Variants in ADCY9 observed in about 807,000 individuals in gnomAD.
ADCY9 encodes the protein adenylate cyclase 9.
Under a neutral mutation model 101.5 loss-of-function variants are expected in ADCY9, and 50 were observed. The ratio of observed to expected loss-of-function variants is 0.49; its 90% CI spans 0.39 to 0.62. The LOEUF (loss-of-function observed/expected upper bound fraction) is 0.62. ADCY9 is among the 20% of genes least tolerant of loss of function. The probability of loss-of-function intolerance (pLI) is 0.00; values close to 1 mark genes in which losing one functional copy is unlikely to be tolerated. For missense variants in ADCY9, 1,662 were observed against 1,800.4 expected, an observed-to-expected ratio of 0.92 and a Z score of 1.39; for synonymous variants, 905 against 769.3, an observed-to-expected ratio of 1.18 and a Z score of -2.92.
At chr16:4,064,194 A>C (rs1373865654) in intron 2 of ADCY9, among the ~76,000 whole-genome samples, 3 of 152,254 alleles carry the variant, frequency 2.0e-5, no homozygotes, top group African/African-American at 7.2e-5. Flanking sequence ...AATAGCATCA[A>C]AATTAGTAAG....
intron 2 of ADCY9, among the ~76,000 whole-genome samples, chr16:4,020,928 G>A (rs2056472269): frequency 6.6e-6 from 1 of 151,750 alleles, no homozygotes; most frequent in Admixed American, 6.6e-5. Context: ...ACATTTGAAC[G>A]TTTTCAAAAA....
At chr16:4,015,917 G>C (rs967263390) in intron 2 of ADCY9, among the ~76,000 whole-genome samples, 1 of 151,432 alleles carries the variant, frequency 6.6e-6, no homozygotes. Context: ...GCAGATAGCC[G>C]AGATCACGCC....
downstream of ADCY9, among the ~76,000 whole-genome samples, chr16:3,959,175 A>C (rs1381142160): frequency 6.6e-6 from 1 of 152,090 alleles, no homozygotes; most frequent in African/African-American, 2.4e-5. Context: ...AGCCTGAGCA[A>C]CATGGTGAAA....
chr16:4,020,593 G>T (rs181293700), intron 2 of ADCY9, among the ~76,000 whole-genome samples: 1 of 151,942 alleles, frequency 6.6e-6, no homozygotes, highest in Non-Finnish European at 1.5e-5. Context: ...AGGCTGAGGC[G>T]GGTGGATCAC....
At chr16:4,046,212 G>A (rs1217284300) in intron 2 of ADCY9, among the ~76,000 whole-genome samples, 3 of 152,070 alleles carry the variant, frequency 2.0e-5, no homozygotes, top group Admixed American at 1.3e-4. Flanking sequence ...GTCCGGAGTC[G>A]CAGAAGCAAT....
rs1167617329 is a variant in ADCY9, at chr16:3,983,338, A to G, written c.2413T>C (p.Cys805Arg). ...GTGGCCGCCTCGTACTTCAGGAAGC[A>G]GGTGGTGGACAGCGTCAGAAACACT... ...TTVFLTLSTT[C>R]FLKYEAATVP... is the part of the protein sequence containing the mutation. The change falls in exon 7 of 11, where the codon TGC (cysteine) becomes CGC (arginine). Residue 805 changes from cysteine to arginine, a missense_variant. Coordinates refer to ENST00000294016, the MANE Select transcript of ADCY9 (RefSeq NM_001116.4). The G allele has an allele frequency of 6.3e-7, 1 of 1,592,230 alleles. No individual in the cohort carries two copies. The highest frequency in any genetic ancestry group is 8.6e-7 in the Non-Finnish European group (1 of 1,169,394).
chr16:4,099,370 G>A (rs180993158), intron 2 of ADCY9, among the ~76,000 whole-genome samples: 3 of 152,272 alleles, frequency 2.0e-5, no homozygotes, highest in African/African-American at 2.4e-5. Context: ...CAAGGAACTC[G>A]AAGATGCACA....
At chr16:4,030,449 C>T (rs552643615) in intron 2 of ADCY9, among the ~76,000 whole-genome samples, 5 of 152,258 alleles carry the variant, frequency 3.3e-5, no homozygotes, top group Non-Finnish European at 5.9e-5. Context: ...AGTCCGTAAT[C>T]CCAGCACTTT....
At chr16:3,972,822 C>G (rs960603642) in intron 10 of ADCY9, among the ~76,000 whole-genome samples, 6 of 151,904 alleles carry the variant, frequency 3.9e-5, no homozygotes, top group African/African-American at 1.2e-4. Context: ...TGGTAATGCT[C>G]TACTTCTTGG....
intron 6 of ADCY9, among the ~76,000 whole-genome samples, chr16:3,985,100 G>A (rs1395565434): frequency 6.6e-6 from 1 of 151,946 alleles, no homozygotes; most frequent in African/African-American, 2.4e-5. Context: ...CCCCTCAGAA[G>A]GTGTGGGAAT....
chr16:4,082,098 T>C (rs1597214094), intron 2 of ADCY9, among the ~76,000 whole-genome samples: 2 of 152,080 alleles, frequency 1.3e-5, no homozygotes, highest in Admixed American at 6.6e-5. Flanking sequence ...TGCATGAAGG[T>C]TGGGCAGTGG....
At chr16:4,051,456 G>A (rs1041432906) in intron 2 of ADCY9, among the ~76,000 whole-genome samples, 11 of 151,748 alleles carry the variant, frequency 7.2e-5, no homozygotes, top group African/African-American at 1.7e-4. Context: ...CCCGGGAGGC[G>A]GAGCTTGCAA....
chr16:4,074,573 C>A (rs1203140582), intron 2 of ADCY9, among the ~76,000 whole-genome samples: 1 of 151,384 alleles, frequency 6.6e-6, no homozygotes, highest in Admixed American at 6.6e-5. Flanking sequence ...AACAATTAGC[C>A]GGGCATGGTG....
At chr16:4,021,354 G>A (rs765856646) in intron 2 of ADCY9, among the ~76,000 whole-genome samples, 3 of 152,186 alleles carry the variant, frequency 2.0e-5, no homozygotes, top group Non-Finnish European at 4.4e-5. Flanking sequence ...CATCCCTTGC[G>A]CTGAAGCCTT....
downstream of ADCY9, among the ~76,000 whole-genome samples, chr16:3,959,362 C>CA (rs71133675): frequency 0.038 from 5,119 of 133,424 alleles, 146 homozygotes; most frequent in South Asian, 0.072. Flanking sequence ...ACTCTTATCT[C>CA]AAAAAAAAAA....
rs2056793723 is a variant in ADCY9, at chr16:4,065,162, T to A, written c.1693+48588A>T. The stretch of plus-strand genomic sequence containing the variant: ...TGGAAAATGCCCCTCTCTCGTCATG[T>A]CGTTTGCACAGTAATTCACTTAGAT... On this transcript the variant is annotated intron_variant, in intron 2 of 10. Transcript: ENST00000294016. 2.6e-5 allele frequency among the ~76,000 whole-genome samples: 4 copies of A among 152,182 alleles called. No individual in the cohort carries two copies. The South Asian group carries it at 6.2e-4, about 24-fold the overall frequency.
At chr16:3,972,875 A>G (rs181537094) in intron 10 of ADCY9, among the ~76,000 whole-genome samples, 6 of 152,070 alleles carry the variant, frequency 3.9e-5, no homozygotes, top group Admixed American at 3.9e-4. Flanking sequence ...GTGAAAATGC[A>G]CTGAGCTGTC....
intron 2 of ADCY9, among the ~76,000 whole-genome samples, chr16:4,042,997 C>T (rs550522431): frequency 3.3e-5 from 5 of 152,208 alleles, no homozygotes; most frequent in Non-Finnish European, 5.9e-5. Flanking sequence ...TTTGGGAGGC[C>T]GAGGCGGGCA....
chr16:4,106,846 A>G (rs1183274223), intron 2 of ADCY9, among the ~76,000 whole-genome samples: 1 of 152,192 alleles, frequency 6.6e-6, no homozygotes, highest in African/African-American at 2.4e-5. Flanking sequence ...CAGAAACATA[A>G]TTACTATCTC....
Sources: gnomAD v4.1 joint callset for allele counts (sites outside exome capture counted in the v4.1 genomes callset) on GRCh38, gnomAD v4.1.1 for gene constraint, MANE v1.5 for transcripts, NCBI Gene and HGNC (gene_info 2026-07-23, HGNC 2026-07-21) for gene names.